Variants in LRP8 observed in about 807,000 individuals in gnomAD.
LRP8 encodes the protein low-density lipoprotein receptor-related protein 8.
LRP8 carries 46 observed loss-of-function variants against 111.6 expected under a neutral mutation model. That is an observed-to-expected ratio of 0.41 (90% CI 0.33 to 0.53). LRP8 has a LOEUF of 0.53. Ranked by LOEUF, LRP8 falls within the 20% of genes least tolerant of loss-of-function variation. The pLI is 0.20. For synonymous variants in LRP8, 464 were observed against 511.2 expected, an observed-to-expected ratio of 0.91 and a Z score of 1.24; for missense variants, 959 against 1,297.4, an observed-to-expected ratio of 0.74 and a Z score of 4.01.
chr1:53,249,645 T>G lies in LRP8; in HGVS notation c.2677-89A>C. 1 of 1,449,786 alleles carries G rather than the reference T, an allele frequency of 6.9e-7. No individual in the cohort carries two copies. Among genetic ancestry groups the G allele is most frequent in the Non-Finnish European group, 9.1e-7 (1 of 1,101,052 alleles). 89.8% of individuals were successfully genotyped at this position (1,449,786 alleles called of 1,614,324 possible). A position where few individuals can be genotyped will look rare whatever the true frequency, so the allele number is the denominator to read the frequency against. On this transcript the variant is annotated intron_variant, in intron 17 of 18. Transcript: ENST00000306052. The surrounding 1 kb of genome is among the most constrained non-coding windows in gnomAD (Gnocchi z 4.1). The stretch of plus-strand genomic sequence containing the variant: ...ATAACAGTGACACCTGCTGTGCCAC[T>G]TTGTGGTCCTCATTCCCCCAAAAAG...
intron 6 of LRP8, among the ~76,000 whole-genome samples, chr1:53,272,281 G>T (rs1173539849): frequency 2.0e-5 from 3 of 152,148 alleles, no homozygotes; most frequent in African/African-American, 7.2e-5. Flanking sequence ...ATCTGGTTCT[G>T]GTTCCCCATC....
chr1:53,312,118 G>A (rs187252731), intron 2 of LRP8, among the ~76,000 whole-genome samples: 1 of 152,326 alleles, frequency 6.6e-6, no homozygotes, highest in Admixed American at 6.5e-5. Context: ...GGTAACACAG[G>A]CAGGCCCATG....
At chr1:53,264,446 C>A in intron 9 of LRP8, 50 bp from the exon 10 acceptor site, 1 of 1,438,806 alleles carries the variant, frequency 7.0e-7, no homozygotes, top group East Asian at 2.4e-5. Context: ...ACCCATGGGC[C>A]CATCTGGAGC....
At chr1:53,288,548 C>G (rs967896905) in intron 3 of LRP8, 1 of 152,086 alleles carries the variant, frequency 6.6e-6, no homozygotes, top group Admixed American at 6.5e-5. Context: ...CTCTCTCTCC[C>G]TTTCTCTTTC....
In LRP8 at chr1:53,245,501, A is replaced by G. The variant is rs1160720039; in HGVS notation, c.*1517T>C. The G allele has an allele frequency of 6.6e-6, 1 of 152,244 alleles. No homozygotes were observed. The highest frequency in any genetic ancestry group is 1.5e-5 in the Non-Finnish European group (1 of 68,048). 9.4% of individuals were successfully genotyped at this position (152,244 alleles called of 1,614,324 possible). A position where few individuals can be genotyped will look rare whatever the true frequency, so the allele number is the denominator to read the frequency against. ...CTTCTCCCTTCCTCCCCCAAGGCCA[A>G]GAAAAGCAAAGAAGATGTCTATAAT... On this transcript the variant is annotated 3_prime_UTR_variant, in exon 19 of 19. Transcript: ENST00000306052.
intron 6 of LRP8, chr1:53,274,910 C>T (rs1646871826): frequency 2.7e-5 from 12 of 448,676 alleles, no homozygotes; most frequent in South Asian, 1.9e-4. Context: ...AGCAGAGCTC[C>T]AGTTCCAGTC....
chr1:53,320,926 C>G (rs1399731052), intron 2 of LRP8, among the ~76,000 whole-genome samples: 1 of 152,236 alleles, frequency 6.6e-6, no homozygotes, highest in East Asian at 1.9e-4. Context: ...CCTGGCTCCA[C>G]CACTTAATGG....
At chr1:53,260,246 A>T (rs1219750765) in intron 13 of LRP8, among the ~76,000 whole-genome samples, 1 of 152,262 alleles carries the variant, frequency 6.6e-6, no homozygotes, top group Non-Finnish European at 1.5e-5. Flanking sequence ...CAGGACAGTT[A>T]TGTATTCATT....
intron 2 of LRP8, among the ~76,000 whole-genome samples, chr1:53,320,864 G>A (rs1160751845): frequency 1.3e-5 from 2 of 152,206 alleles, no homozygotes; most frequent in African/African-American, 4.8e-5. Context: ...CGCTCAGCGG[G>A]GAACGGCTTA....
Position 53,276,726 on chromosome 1 carries a change from G to A in LRP8, c.849C>T (p.Arg283=). 2 of 1,528,182 alleles carry A rather than the reference G, an allele frequency of 1.3e-6. No homozygotes were observed. Among genetic ancestry groups the A allele is most frequent in the East Asian group, 2.6e-5 (1 of 38,820 alleles). 94.7% of individuals were successfully genotyped at this position (1,528,182 alleles called of 1,614,324 possible). ...CCTCGTCCGATTTGTCTTTGCAGTCGCGGTCGCCGTCGCAGCGCCAGCCCA... is the reference window on the plus strand; with the variant it reads ...CCTCGTCCGATTTGTCTTTGCAGTCACGGTCGCCGTCGCAGCGCCAGCCCA... ...VHLGWRCDGD[R]DCKDKSDEAD... The change falls in exon 5 of 19, where the codon CGC becomes CGT. Residue 283 remains arginine, a synonymous_variant. Transcript: ENST00000306052.
chr1:53,293,012 T>C lies in LRP8; in HGVS notation c.245-3323A>G, dbSNP rs1293802103. Among the ~76,000 whole-genome samples, 1 of 152,198 alleles carries C rather than the reference T, an allele frequency of 6.6e-6. No individual in the cohort carries two copies. The highest frequency in any genetic ancestry group is 6.5e-5 in the Admixed American group (1 of 15,288). Reference sequence around the variant, plus strand: ...CACAGAATCAGCCCAGCCCAGTCTCTGGGAATTAAGAGCAAGTAGGCAAGT... The same window carrying C: ...CACAGAATCAGCCCAGCCCAGTCTCCGGGAATTAAGAGCAAGTAGGCAAGT... On this transcript the variant is annotated intron_variant, in intron 2 of 18. Coordinates refer to ENST00000306052, the MANE Select transcript of LRP8 (RefSeq NM_004631.5). The surrounding 1 kb of genome is among the most constrained non-coding windows in gnomAD (Gnocchi z 4.9).
Position 53,255,139 on chromosome 1 carries a change from A to C in LRP8, c.2481T>G (p.Val827=), listed in dbSNP as rs202172303. The change falls in exon 16 of 19, where the codon GTT becomes GTG. Residue 827 remains valine (V), a synonymous_variant. Coordinates refer to ENST00000306052, the MANE Select transcript of LRP8 (RefSeq NM_004631.5). Reference sequence around the variant, plus strand: ...CACCTATGGGCACGATGATCCCGATAACAGCGGCAGTGACTGTTGAGCCCA... The same window carrying C: ...CACCTATGGGCACGATGATCCCGATCACAGCGGCAGTGACTGTTGAGCCCA... ...SKMGSTVTAA[V]IGIIVPIVVI... The C allele has an allele frequency of 8.0e-5, 129 of 1,613,754 alleles. No individual in the cohort carries two copies. In the East Asian group the frequency reaches 2.3e-3, roughly 29 times the overall value.
At chr1:53,253,352 A>G (rs1365942921) in intron 16 of LRP8, among the ~76,000 whole-genome samples, 1 of 152,208 alleles carries the variant, frequency 6.6e-6, no homozygotes, top group Non-Finnish European at 1.5e-5. Flanking sequence ...TTTGTAACAT[A>G]TATTTTAAAG....
At chr1:53,264,641 G>T (rs57447527) in intron 9 of LRP8, among the ~76,000 whole-genome samples, 37 of 152,342 alleles carry the variant, frequency 2.4e-4, no homozygotes, top group African/African-American at 8.2e-4. Context: ...GGGTGAGCCA[G>T]ATATAATACA....
intron 3 of LRP8, chr1:53,288,516 G>C (rs965377520): frequency 6.6e-6 from 1 of 151,390 alleles, no homozygotes; most frequent in Non-Finnish European, 1.5e-5. Context: ...GTCTCGGGTG[G>C]GGGCCGCTCT....
intron 2 of LRP8, among the ~76,000 whole-genome samples, chr1:53,304,214 A>G (rs1169913174): frequency 6.6e-6 from 1 of 152,202 alleles, no homozygotes; most frequent in Non-Finnish European, 1.5e-5. Context: ...ACCCCCAAAG[A>G]GAGTGTGATT....
rs186129592 is a variant in LRP8, at chr1:53,249,952, T to G, written c.2677-396A>C. Reference sequence around the variant, plus strand: ...GACAGTTCTGCCCTCAAGGATCTTATGGGTTAGTGAGGAGACCACTGAGTA... The same window carrying G: ...GACAGTTCTGCCCTCAAGGATCTTAGGGGTTAGTGAGGAGACCACTGAGTA... On this transcript the variant is annotated intron_variant, in intron 17 of 18. Coordinates refer to ENST00000306052, the MANE Select transcript of LRP8 (RefSeq NM_004631.5). This position sits in a 1 kb window ranked among gnomAD's most constrained non-coding sequence, Gnocchi z 4.1. Among the ~76,000 whole-genome samples, 656 of 152,272 alleles carry G rather than the reference T, an allele frequency of 4.3e-3. 5 individuals carry two copies. Among genetic ancestry groups the G allele is most frequent in the Non-Finnish European group, 3.8e-3 (258 of 68,026 alleles).
At position 53,289,589 on chromosome 1, in the gene LRP8, G is replaced by A. The variant is rs752265247; in HGVS notation, c.345C>T (p.Ser115=). ...CACTGCAAGTGGCCTCGGACTCATC[G>A]GAGCCATCAGGACACTCCTCCTCGC... ...CDGEEECPDG[S]DESEATCTKQ... is the part of the protein sequence containing the mutation. The change falls in exon 3 of 19, where the codon TCC becomes TCT. Residue 115 remains serine, a synonymous_variant. Coordinates refer to ENST00000306052, the MANE Select transcript of LRP8 (RefSeq NM_004631.5). 6.8e-6 allele frequency: 11 copies of A among 1,607,076 alleles called. No individual in the cohort carries two copies. Among genetic ancestry groups the A allele is most frequent in the African/African-American group, 6.7e-5 (5 of 74,774 alleles).
Position 53,261,928 on chromosome 1 carries a change from C to T in LRP8, c.1914+140G>A, listed in dbSNP as rs1380373975. On this transcript the variant is annotated intron_variant, in intron 12 of 18. Coordinates refer to ENST00000306052, the MANE Select transcript of LRP8 (RefSeq NM_004631.5). ...AGAGCCTTTGTGTGCAGGCAGCTCA[C>T]AGATTGTTTACAAACAAATCAGTTG... 7.6e-6 allele frequency: 8 copies of T among 1,058,626 alleles called. No individual in the cohort carries two copies. The Admixed American group carries it at 2.1e-4, about 28-fold the overall frequency. The allele number at this position is 1,058,626 out of a possible 1,614,324, so 65.6% of individuals were successfully genotyped here.
Sources: gnomAD v4.1 joint callset for allele counts (sites outside exome capture counted in the v4.1 genomes callset) on GRCh38, gnomAD v4.1.1 for gene constraint, Gnocchi (gnomAD v3.1) non-coding constraint, MANE v1.5 for transcripts, NCBI Gene and HGNC (gene_info 2026-07-23, HGNC 2026-07-21) for gene names.